The following ADGRF5 variants were observed in gnomAD, a reference collection of about 807,000 sequenced individuals.
The protein encoded by ADGRF5 is G-protein coupled receptor 116.
A neutral mutation model predicts 132.3 loss-of-function variants in ADGRF5; 75 were observed. The ratio of observed to expected loss-of-function variants is 0.57; its 90% CI spans 0.47 to 0.69. ADGRF5 has a LOEUF of 0.69. Among genes scored for constraint, ADGRF5 ranks in the 30% least tolerant of loss-of-function variants. The probability of loss-of-function intolerance (pLI) is 0.00; values close to 1 mark genes in which losing one functional copy is unlikely to be tolerated. For missense variants in ADGRF5, 1,516 were observed against 1,630.6 expected (o/e 0.93, Z 1.21); for synonymous variants, 629 against 597.6 (o/e 1.05, Z -0.77).
At chr6:46,953,250 C>A (rs1778565348) in intron 1 of ADGRF5, among the ~76,000 whole-genome samples, 1 of 152,138 alleles carries the variant, frequency 6.6e-6, no homozygotes, top group South Asian at 2.1e-4. Context: ...AGTGATCACT[C>A]CCAACTGATG....
chr6:46,942,613 A>G (rs1582078457), intron 1 of ADGRF5, among the ~76,000 whole-genome samples: 2 of 152,248 alleles, frequency 1.3e-5, no homozygotes, highest in Admixed American at 1.3e-4. Flanking sequence ...TAAGTCCTCC[A>G]TGCTAGGAAG....
At position 46,859,427 on chromosome 6, in the gene ADGRF5, G is replaced by C. The variant is rs1769469067; in HGVS notation, c.2476C>G (p.Leu826Val). 2 of 1,612,974 alleles carry C rather than the reference G, an allele frequency of 1.2e-6. No individual in the cohort carries two copies. The highest frequency in any genetic ancestry group is 1.7e-6 in the Non-Finnish European group (2 of 1,179,050). Residue 826 changes from leucine to valine, a missense_variant, in exon 17 of 21, where the codon CTA (leucine) becomes GTA (valine). By Grantham distance (32) the Leu-to-Val change is conservative. Around this residue, in one of 2 missense-constraint regions of ADGRF5, gnomAD observed 571 missense variants for 701.2 expected, o/e 0.81. Coordinates refer to ENST00000283296, the MANE Select transcript of ADGRF5 (RefSeq NM_001098518.2). ...QQWTNQSSQL[L>V]HSVERFSQAL... is the part of the protein sequence containing the mutation. ...TGGGAAAATCTTTCCACTGAATGTA[G>C]TAGCTGTGAACTCTGATTGGTCCAT...
intron 6 of ADGRF5, among the ~76,000 whole-genome samples, chr6:46,882,746 C>A (rs532867332): frequency 1.3e-5 from 2 of 152,224 alleles, no homozygotes; most frequent in Admixed American, 1.3e-4. Flanking sequence ...GCTGTGCAGA[C>A]ATATTACATG....
Position 46,852,582 on chromosome 6 carries a change from T to A in ADGRF5, c.*1410A>T, listed in dbSNP as rs1455110088. 1 of 151,786 alleles carries A rather than the reference T, an allele frequency of 6.6e-6. No individual in the cohort carries two copies. The highest frequency in any genetic ancestry group is 1.5e-5 in the Non-Finnish European group (1 of 68,034). The allele number at this position is 151,786 out of a possible 1,614,324, so 9.4% of individuals were successfully genotyped here. A position where few individuals can be genotyped will look rare whatever the true frequency, so the allele number is the denominator to read the frequency against. On this transcript the variant is annotated 3_prime_UTR_variant, in exon 21 of 21. Transcript: ENST00000283296. ...GCTGTATCAATAGTACATGGTTAAC[T>A]CTAATATGCGTGCAATTTTCATAAA...
At chr6:46,946,245 G>C (rs1179234911) in intron 1 of ADGRF5, among the ~76,000 whole-genome samples, 1 of 152,148 alleles carries the variant, frequency 6.6e-6, no homozygotes, top group Non-Finnish European at 1.5e-5. Flanking sequence ...GAAGGAGGGA[G>C]GCCAGGAGCA....
intron 1 of ADGRF5, among the ~76,000 whole-genome samples, chr6:46,938,032 G>A (rs1028171801): frequency 6.6e-6 from 1 of 152,182 alleles, no homozygotes; most frequent in Non-Finnish European, 1.5e-5. Context: ...AAGTTGGGGG[G>A]TAGGGTCTAC....
chr6:46,944,673 G>A (rs967464712), intron 1 of ADGRF5, among the ~76,000 whole-genome samples: 1 of 152,108 alleles, frequency 6.6e-6, no homozygotes, highest in African/African-American at 2.4e-5. Context: ...TGTCATTACG[G>A]TTCTCTTATA....
chr6:46,911,349 A>G (rs148120669), intron 1 of ADGRF5, among the ~76,000 whole-genome samples: 216 of 152,368 alleles, frequency 1.4e-3, no homozygotes, highest in African/African-American at 4.9e-3. Flanking sequence ...AGATTTTCCA[A>G]TGCTCACGCA....
chr6:46,953,666 T>C (rs1425568023), intron 1 of ADGRF5, among the ~76,000 whole-genome samples: 3 of 131,222 alleles, frequency 2.3e-5, no homozygotes, highest in Non-Finnish European at 3.2e-5. Context: ...TATATATATA[T>C]ATATATATAT....
intron 9 of ADGRF5, 72 bp downstream of exon 9, chr6:46,879,746 C>T (rs1019126523): frequency 2.0e-6 from 2 of 1,017,172 alleles, no homozygotes; most frequent in Admixed American, 1.7e-5. Flanking sequence ...CTACGTAAAA[C>T]ACTATTACAT....
intron 1 of ADGRF5, among the ~76,000 whole-genome samples, chr6:46,919,498 CG>C (rs1322132785): frequency 6.6e-6 from 1 of 152,192 alleles, no homozygotes; most frequent in African/African-American, 2.4e-5. Flanking sequence ...GCCTCATTAA[CG>C]TGAGGAGGTG....
In ADGRF5 at chr6:46,914,879, G is replaced by A. The variant is rs115308640; in HGVS notation, c.-25+6834C>T. On this transcript the variant is annotated intron_variant, in intron 1 of 20. Transcript: ENST00000283296. ...TTTGTTTGTTTGTTTTTTTTGAGAC[G>A]GAATCTCACTGAGACACCCTGGCTG... is the stretch of plus-strand genomic sequence containing the variant. Among the ~76,000 whole-genome samples the A allele has an allele frequency of 8.8e-3, 1,325 of 151,304 alleles. 16 individuals carry two copies. Among genetic ancestry groups the A allele is most frequent in the African/African-American group, 0.029 (1,181 of 41,064 alleles).
At chr6:46,917,828 CA>C (rs1776559344) in intron 1 of ADGRF5, among the ~76,000 whole-genome samples, 1 of 152,320 alleles carries the variant, frequency 6.6e-6, no homozygotes, top group Admixed American at 6.5e-5. Flanking sequence ...AGCAAACAAA[CA>C]TGGCACATGT....
chr6:46,912,764 T>C (rs912127526), intron 1 of ADGRF5, among the ~76,000 whole-genome samples: 3 of 152,158 alleles, frequency 2.0e-5, no homozygotes. Context: ...TAAGTCTGCC[T>C]TTCTTCATGG....
rs1191808596 is a variant in ADGRF5 at position 46,862,942 on chromosome 6, C to T, written c.2145G>A (p.Glu715=). The change falls in exon 15 of 21, where the codon GAG becomes GAA. Residue 715 remains glutamate (E), a synonymous_variant. Transcript: ENST00000283296. ...TYKCVGSQWE[E]KRNDCISAPI... Reference sequence around the variant, plus strand: ...GGGCAGAGATGCAGTCATTTCTCTTCTCCTCCCACTGGGAGCCTACACATT... The same window carrying T: ...GGGCAGAGATGCAGTCATTTCTCTTTTCCTCCCACTGGGAGCCTACACATT... 3.1e-6 allele frequency: 5 copies of T among 1,613,196 alleles called. No individual in the cohort carries two copies. The Admixed American group carries it at 5.0e-5, about 16-fold the overall frequency.
chr6:46,946,631 A>G (rs1778311846), intron 1 of ADGRF5, among the ~76,000 whole-genome samples: 1 of 152,208 alleles, frequency 6.6e-6, no homozygotes, highest in Non-Finnish European at 1.5e-5. Flanking sequence ...ATGGGAATAA[A>G]GGGCAGGAGC....
intron 2 of ADGRF5, among the ~76,000 whole-genome samples, chr6:46,901,523 T>G (rs1015737802): frequency 6.6e-6 from 1 of 152,304 alleles, no homozygotes; most frequent in South Asian, 2.1e-4. Flanking sequence ...CTTCCTAAGA[T>G]GTATTTAACA....
chr6:46,929,555 A>C (rs922748462), intron 1 of ADGRF5, among the ~76,000 whole-genome samples: 2 of 150,354 alleles, frequency 1.3e-5, no homozygotes, highest in Non-Finnish European at 3.0e-5. Context: ...AAAAAAAGAT[A>C]TCCCTTTCTC....
intron 1 of ADGRF5, among the ~76,000 whole-genome samples, chr6:46,937,584 A>T (rs141360957): frequency 6.6e-6 from 1 of 152,268 alleles, no homozygotes; most frequent in East Asian, 1.9e-4. Context: ...ACTAAACCCC[A>T]TATATACCAT....
Sources: gnomAD v4.1 joint callset for allele counts (sites outside exome capture counted in the v4.1 genomes callset) on GRCh38, gnomAD v4.1.1 for gene constraint, gnomAD v4.1.1 regional missense constraint, MANE v1.5 for transcripts, NCBI Gene and HGNC (gene_info 2026-07-23, HGNC 2026-07-21) for gene names.